The following FERMT2 variants were observed in gnomAD, a reference collection of about 807,000 sequenced individuals.
FERMT2 encodes the protein fermitin family homolog 2.
FERMT2 carries 15 observed loss-of-function variants against 82.7 expected under a neutral mutation model. That is an observed-to-expected ratio of 0.18 (90% CI 0.12 to 0.28). The LOEUF (loss-of-function observed/expected upper bound fraction) is 0.28. Among genes scored for constraint, FERMT2 ranks in the 10% least tolerant of loss-of-function variants. The pLI, the probability that FERMT2 is intolerant of heterozygous loss-of-function variation, is 1.00. For synonymous variants in FERMT2, 274 were observed against 271.5 expected (o/e 1.01, Z -0.09); for missense variants, 645 against 809.4 (o/e 0.80, Z 2.46).
At chr14:52,927,484 C>G (rs1889336954) in intron 2 of FERMT2, among the ~76,000 whole-genome samples, 1 of 149,404 alleles carries the variant, frequency 6.7e-6, no homozygotes, top group South Asian at 2.1e-4. Context: ...AATTATTGGC[C>G]AGGCTCACGT....
At chr14:52,898,695 A>G (rs1887441469) in intron 3 of FERMT2, among the ~76,000 whole-genome samples, 1 of 151,346 alleles carries the variant, frequency 6.6e-6, no homozygotes, top group East Asian at 1.9e-4. Flanking sequence ...AGTTGTCTAC[A>G]CTGCTTCAAC....
intron 2 of FERMT2, among the ~76,000 whole-genome samples, chr14:52,939,593 C>G (rs1465983900): frequency 6.6e-6 from 1 of 152,108 alleles, no homozygotes; most frequent in Non-Finnish European, 1.5e-5. Context: ...TCCAAAGATA[C>G]TGTTATTATC....
At chr14:52,886,195 C>T (rs1316899610) in intron 4 of FERMT2, among the ~76,000 whole-genome samples, 1 of 151,790 alleles carries the variant, frequency 6.6e-6, no homozygotes, top group Admixed American at 6.6e-5. Context: ...TTACAACATT[C>T]AATATTGAGC....
chr14:52,936,890 C>T (rs902749856), intron 2 of FERMT2, among the ~76,000 whole-genome samples: 1 of 152,078 alleles, frequency 6.6e-6, no homozygotes, highest in Non-Finnish European at 1.5e-5. Context: ...AGCAGTGGCT[C>T]ATGCTTGTAA....
At chr14:52,884,624 C>T (rs1886481933) in intron 4 of FERMT2, among the ~76,000 whole-genome samples, 1 of 151,562 alleles carries the variant, frequency 6.6e-6, no homozygotes, top group Non-Finnish European at 1.5e-5. Flanking sequence ...CAAAAAAACC[C>T]CAGCCAGTCT....
chr14:52,859,791 G>T, intron 13 of FERMT2, 77 bp from the exon 14 acceptor site: 13 of 816,480 alleles, frequency 1.6e-5, no homozygotes, highest in Admixed American at 3.1e-5. Context: ...CAAGATAAGT[G>T]TTCTCTCTAA....
rs1158370698 is a variant in FERMT2 at position 52,893,332 on chromosome 14, C to T, written c.487G>A (p.Ala163Thr). 2 of 1,611,854 alleles carry T rather than the reference C, an allele frequency of 1.2e-6. No homozygotes were observed. Among genetic ancestry groups the T allele is most frequent in the Non-Finnish European group, 1.7e-6 (2 of 1,179,336 alleles). The change falls in exon 4 of 15, where the codon GCA becomes ACA. Residue 163 changes from alanine (A) to threonine (T), a missense_variant. By Grantham distance (58) the Ala-to-Thr change is moderately conservative. Coordinates refer to ENST00000341590, the MANE Select transcript of FERMT2 (RefSeq NM_006832.3). ...KKLDDQSEDE[A>T]LELEGPLITP... ...ATAAGAGGCCCCTCTAATTCAAGTG[C>T]CTCATCTTCAGACTGGTCATCTAGC...
At chr14:52,891,574 G>A (rs1886936775) in intron 4 of FERMT2, among the ~76,000 whole-genome samples, 1 of 152,158 alleles carries the variant, frequency 6.6e-6, no homozygotes. Flanking sequence ...AAGAGCTGTA[G>A]TGAGAATTAC....
At chr14:52,923,848 T>A (rs1889102311) in intron 2 of FERMT2, among the ~76,000 whole-genome samples, 1 of 152,076 alleles carries the variant, frequency 6.6e-6, no homozygotes, top group African/African-American at 2.4e-5. Context: ...AAATCAGAAG[T>A]GTCAATACCA....
In FERMT2 at chr14:52,874,169, G is replaced by A; in HGVS notation, c.1148+8C>T. ...TTAATATTTGGCATCCCTCCTTTTT[G>A]TACTTACTTGAAAACTTTAATGTAG... On this transcript the variant is annotated splice_region_variant and intron_variant, in intron 9 of 14. Coordinates refer to ENST00000341590, the MANE Select transcript of FERMT2 (RefSeq NM_006832.3). 1.3e-6 allele frequency: 2 copies of A among 1,567,920 alleles called. No individual in the cohort carries two copies. The highest frequency in any genetic ancestry group is 1.7e-6 in the Non-Finnish European group (2 of 1,148,000).
At chr14:52,921,977 A>G (rs1275997759) in intron 2 of FERMT2, among the ~76,000 whole-genome samples, 2 of 152,088 alleles carry the variant, frequency 1.3e-5, no homozygotes, top group African/African-American at 4.8e-5. Context: ...GGAGGCAAGG[A>G]GAAAAAGAGC....
Position 52,861,249 on chromosome 14 carries a change from G to C in FERMT2, c.1603-784C>G, listed in dbSNP as rs886288937. On this transcript the variant is annotated intron_variant, in intron 12 of 14. Transcript: ENST00000341590. The stretch of plus-strand genomic sequence containing the variant: ...GGAAGCAGCAATTACTTTCCATTTA[G>C]AACACTGAGAAACACTCCACATTAT... 2.2e-5 allele frequency: 12 copies of C among 542,722 alleles called. No individual in the cohort carries two copies. In the African/African-American group the frequency reaches 2.4e-4, roughly 11 times the overall value. 33.6% of individuals were successfully genotyped at this position (542,722 alleles called of 1,614,324 possible). A position where few individuals can be genotyped will look rare whatever the true frequency, so the allele number is the denominator to read the frequency against.
chr14:52,933,939 C>G (rs1431892866), intron 2 of FERMT2, among the ~76,000 whole-genome samples: 1 of 152,032 alleles, frequency 6.6e-6, no homozygotes, highest in Non-Finnish European at 1.5e-5. Context: ...TCCTTTCCCC[C>G]TTTATCAAAC....
chr14:52,882,825 T>C (rs562757950), intron 4 of FERMT2, among the ~76,000 whole-genome samples: 39 of 152,120 alleles, frequency 2.6e-4, no homozygotes, highest in Admixed American at 3.9e-4. Context: ...ACTGAAAATA[T>C]GTAATCTCTT....
intron 10 of FERMT2, among the ~76,000 whole-genome samples, chr14:52,868,098 T>C (rs1885396674): frequency 6.6e-6 from 1 of 152,240 alleles, no homozygotes. Context: ...ATCTAATGTC[T>C]GCCAGTTTCT....
Position 52,858,331 on chromosome 14 carries a change from T to TTAAA in FERMT2, c.*42_*45dup. The TTAAA allele has an allele frequency of 6.6e-7, 1 of 1,521,968 alleles. No homozygotes were observed. The highest frequency in any genetic ancestry group is 9.1e-7 in the Non-Finnish European group (1 of 1,100,958). 94.3% of individuals were successfully genotyped at this position (1,521,968 alleles called of 1,614,324 possible). A position where few individuals can be genotyped will look rare whatever the true frequency, so the allele number is the denominator to read the frequency against. ...AGCATATAACAAACAGCTTTTAAAG[T>TTAAA]TAAATATTGTTATGGCCGTGGAGTT... On this transcript the variant is annotated 3_prime_UTR_variant, in exon 15 of 15. Coordinates refer to ENST00000341590, the MANE Select transcript of FERMT2 (RefSeq NM_006832.3).
At chr14:52,874,268 G>C in intron 8 of FERMT2, 42 bp from the exon 9 acceptor site, 1 of 1,328,864 alleles carries the variant, frequency 7.5e-7, no homozygotes, top group Non-Finnish European at 1.0e-6. Flanking sequence ...TTTAATATTT[G>C]AAATTCTTTC....
In FERMT2 at chr14:52,860,478, A is replaced by C. The variant is rs1297233456; in HGVS notation, c.1603-13T>G. The C allele has an allele frequency of 6.2e-7, 1 of 1,606,520 alleles. No individual in the cohort carries two copies. Among genetic ancestry groups the C allele is most frequent in the Non-Finnish European group, 8.5e-7 (1 of 1,176,374 alleles). ...TTCTCGCTGTTATCTAAACATGAGT[A>C]AACATCACCTTTACCATTGAACATT... On this transcript the variant is annotated splice_polypyrimidine_tract_variant and intron_variant, in intron 12 of 14. Transcript: ENST00000341590.
intron 3 of FERMT2, among the ~76,000 whole-genome samples, chr14:52,910,488 C>T (rs1176919140): frequency 6.6e-6 from 1 of 151,336 alleles, no homozygotes; most frequent in Non-Finnish European, 1.5e-5. Context: ...TGCCAGAATA[C>T]GTTACATTAA....
Sources: gnomAD v4.1 joint callset for allele counts (sites outside exome capture counted in the v4.1 genomes callset) on GRCh38, gnomAD v4.1.1 for gene constraint, MANE v1.5 for transcripts, NCBI Gene and HGNC (gene_info 2026-07-23, HGNC 2026-07-21) for gene names.